ST6GALNAC3: variants seen among roughly 807,000 people sequenced by gnomAD.
ST6GALNAC3 encodes the protein ST6 N-acetylgalactosaminide alpha-2,6-sialyltransferase 3.
A neutral mutation model predicts 32.7 loss-of-function variants in ST6GALNAC3; 25 were observed. That is an observed-to-expected ratio of 0.76 (90% CI 0.56 to 1.07). The LOEUF is 1.07. Among genes scored for constraint, ST6GALNAC3 ranks in the 50% least tolerant of loss-of-function variants. ST6GALNAC3 has a pLI of 0.00. For missense variants in ST6GALNAC3, 355 were observed against 382.4 expected (o/e 0.93, Z 0.60); for synonymous variants, 129 against 133.1 (o/e 0.97, Z 0.21).
intron 3 of ST6GALNAC3, among the ~76,000 whole-genome samples, chr1:76,449,732 C>T (rs930395503): frequency 1.3e-5 from 2 of 152,162 alleles, no homozygotes; most frequent in Non-Finnish European, 2.9e-5. Flanking sequence ...AACTTTTTAT[C>T]ATTGAGTTTT....
intron 1 of ST6GALNAC3, among the ~76,000 whole-genome samples, chr1:76,112,388 T>C (rs1451882929): frequency 1.4e-4 from 16 of 114,388 alleles, no homozygotes; most frequent in East Asian, 6.6e-4. Flanking sequence ...CCCCACCTCC[T>C]TCCCGGACTG....
At chr1:76,231,640 G>A (rs1405133442) in intron 1 of ST6GALNAC3, among the ~76,000 whole-genome samples, 3 of 152,150 alleles carry the variant, frequency 2.0e-5, no homozygotes, top group Non-Finnish European at 4.4e-5. Flanking sequence ...TGTCCCTCAA[G>A]TTTTATCCAT....
chr1:76,188,128 C>A (rs1415201060), intron 1 of ST6GALNAC3, among the ~76,000 whole-genome samples: 1 of 152,124 alleles, frequency 6.6e-6, no homozygotes, highest in Non-Finnish European at 1.5e-5. Context: ...CTTTGGGAGG[C>A]CGAGGTGGGT....
intron 3 of ST6GALNAC3, among the ~76,000 whole-genome samples, chr1:76,531,264 T>C (rs1663235641): frequency 6.6e-6 from 1 of 152,198 alleles, no homozygotes; most frequent in African/African-American, 2.4e-5. Context: ...AGCAGGCTTT[T>C]GTTTTTATTA....
chr1:76,239,521 C>G (rs1239597269), intron 1 of ST6GALNAC3, among the ~76,000 whole-genome samples: 3 of 151,914 alleles, frequency 2.0e-5, no homozygotes, highest in Admixed American at 2.0e-4. Context: ...AAAGGGGGAG[C>G]AGGTGTGTCA....
At chr1:76,210,055 CT>C (rs1655054995) in intron 1 of ST6GALNAC3, among the ~76,000 whole-genome samples, 1 of 145,806 alleles carries the variant, frequency 6.9e-6, no homozygotes, top group Non-Finnish European at 1.5e-5. Context: ...TTTTTTTTTT[CT>C]TTTCTTTTTT....
chr1:76,522,545 G>C (rs1024677090), intron 3 of ST6GALNAC3, among the ~76,000 whole-genome samples: 2 of 151,906 alleles, frequency 1.3e-5, no homozygotes, highest in East Asian at 1.9e-4. Flanking sequence ...CCTCAACTCT[G>C]TCCAGCTTGG....
intron 3 of ST6GALNAC3, among the ~76,000 whole-genome samples, chr1:76,591,237 AT>A (rs1243418266): frequency 1.3e-5 from 2 of 151,842 alleles, no homozygotes; most frequent in African/African-American, 4.8e-5. Context: ...TGGAGTGGAC[AT>A]TTCAGGCAAA....
intron 1 of ST6GALNAC3, among the ~76,000 whole-genome samples, chr1:76,173,748 C>T (rs1652671517): frequency 6.6e-6 from 1 of 152,226 alleles, no homozygotes; most frequent in African/African-American, 2.4e-5. Flanking sequence ...CTCAACATCA[C>T]TGATCATTAG....
At chr1:76,636,752 T>A (rs1649515149), downstream of ST6GALNAC3, 1 of 152,124 alleles carries the variant, frequency 6.6e-6, no homozygotes, top group African/African-American at 2.4e-5. Context: ...AATACGAAAC[T>A]ATTTGCTATC....
At chr1:76,368,642 A>C (rs1650576257) in intron 2 of ST6GALNAC3, among the ~76,000 whole-genome samples, 1 of 152,190 alleles carries the variant, frequency 6.6e-6, no homozygotes, top group Non-Finnish European at 1.5e-5. Flanking sequence ...CATAGAAGTG[A>C]CTAAATACAT....
chr1:76,329,983 A>G (rs1248053033), intron 2 of ST6GALNAC3, among the ~76,000 whole-genome samples: 1 of 150,440 alleles, frequency 6.6e-6, no homozygotes, highest in East Asian at 2.0e-4. Context: ...TAATTTTTGT[A>G]TTTTCATTAG....
intron 3 of ST6GALNAC3, among the ~76,000 whole-genome samples, chr1:76,527,422 T>C (rs187522069): frequency 1.3e-5 from 2 of 152,218 alleles, no homozygotes; most frequent in East Asian, 3.9e-4. Context: ...GCAGTTGTAA[T>C]TGTGTCCATG....
chr1:76,394,016 G>T (rs921417869), intron 2 of ST6GALNAC3, among the ~76,000 whole-genome samples: 92 of 152,150 alleles, frequency 6.0e-4, no homozygotes, highest in African/African-American at 2.1e-3. Context: ...AGTTTATATT[G>T]TCCACTGATG....
At chr1:76,512,592 T>C (rs754421519) in intron 3 of ST6GALNAC3, among the ~76,000 whole-genome samples, 37 of 152,188 alleles carry the variant, frequency 2.4e-4, no homozygotes, top group Admixed American at 2.0e-4. Context: ...GCTTCTCTTC[T>C]AGATATTTGG....
At chr1:76,442,108 T>C (rs544986787) in intron 3 of ST6GALNAC3, among the ~76,000 whole-genome samples, 1 of 152,192 alleles carries the variant, frequency 6.6e-6, no homozygotes, top group African/African-American at 2.4e-5. Flanking sequence ...GAATTGTGTG[T>C]CCTGAGTCAG....
intron 3 of ST6GALNAC3, among the ~76,000 whole-genome samples, chr1:76,562,609 C>G (rs1665309882): frequency 6.6e-6 from 1 of 152,174 alleles, no homozygotes; most frequent in African/African-American, 2.4e-5. Context: ...CCTGAGTTGG[C>G]CTGCCTATGT....
intron 2 of ST6GALNAC3, among the ~76,000 whole-genome samples, chr1:76,361,766 G>A (rs963616659): frequency 2.0e-5 from 3 of 152,046 alleles, no homozygotes; most frequent in African/African-American, 7.2e-5. Flanking sequence ...ATCACCTGAG[G>A]TCAGGGGTTT....
At chr1:76,372,298 G>T in intron 2 of ST6GALNAC3, among the ~76,000 whole-genome samples, 1 of 151,886 alleles carries the variant, frequency 6.6e-6, no homozygotes, top group Middle Eastern at 3.4e-3. Flanking sequence ...TTTTATTTTT[G>T]ATTGAAAAAT....
Sources: allele counts gnomAD v4.1 joint callset (sites outside exome capture counted in the v4.1 genomes callset), GRCh38; gene constraint gnomAD v4.1.1; transcripts MANE v1.5; gene names NCBI Gene and HGNC (gene_info 2026-07-23, HGNC 2026-07-21).